The following GCAT variants were observed in gnomAD, a reference collection of about 807,000 sequenced individuals.
GCAT encodes the protein 2-amino-3-ketobutyrate coenzyme A ligase, mitochondrial.
Under a neutral mutation model 39.7 loss-of-function variants are expected in GCAT, and 26 were observed. That is an observed-to-expected ratio of 0.65 (90% CI 0.48 to 0.91). The LOEUF is 0.91. Among genes scored for constraint, GCAT ranks in the 40% least tolerant of loss-of-function variants. GCAT has a pLI of 0.00. For missense variants in GCAT, 550 were observed against 576.2 expected (o/e 0.95, Z 0.47); for synonymous variants, 218 against 237.2 (o/e 0.92, Z 0.74).
At chr22:37,811,480 C>CAAAAAAAAAAAA (rs59876225) in intron 2 of GCAT, among the ~76,000 whole-genome samples, 1 of 46,868 alleles carries the variant, frequency 2.1e-5, no homozygotes, top group Non-Finnish European at 3.8e-5. Flanking sequence ...GACTCTGTCT[C>CAAAAAAAAAAAA]AAAAAAAAAA....
chr22:37,810,572 G>GGT (rs1347068060), intron 2 of GCAT, among the ~76,000 whole-genome samples: 2 of 146,118 alleles, frequency 1.4e-5, no homozygotes, highest in African/African-American at 5.1e-5. Context: ...GCTGGAGTGC[G>GGT]GTGGCATGAT....
At chr22:37,811,480 C>CAAAAAAA (rs59876225) in intron 2 of GCAT, among the ~76,000 whole-genome samples, 1 of 46,866 alleles carries the variant, frequency 2.1e-5, no homozygotes, top group Admixed American at 2.9e-4. Flanking sequence ...GACTCTGTCT[C>CAAAAAAA]AAAAAAAAAA....
rs748603348 is a variant in GCAT at position 37,810,136 on chromosome 22, C to G, written c.306C>G (p.Val102=). Residue 102 remains valine, a synonymous_variant, in exon 2 of 9, where the codon GTC becomes GTG. Transcript: ENST00000248924. Reference sequence around the variant, plus strand: ...AGTTTGGAGCTGGCCTCAGCTCTGTCCGCTTTATCTGTGGAACCCAGGTAC... The same window carrying G: ...AGTTTGGAGCTGGCCTCAGCTCTGTGCGCTTTATCTGTGGAACCCAGGTAC... The part of the protein sequence containing the change: ...LEEFGAGLSS[V]RFICGTQSIH... 1.9e-6 allele frequency: 3 copies of G among 1,613,350 alleles called. No homozygotes were observed. The highest frequency in any genetic ancestry group is 2.5e-6 in the Non-Finnish European group (3 of 1,179,254).
rs1310092845 is a variant in GCAT, at chr22:37,815,526, G to A, written c.814+26G>A. ...GTACCTGCAAGGTTGTGTCCCTGGG[G>A]TCCCCTTGTCCTTTTGAAGGGCCCT... is the stretch of plus-strand genomic sequence containing the variant. On this transcript the variant is annotated intron_variant, in intron 6 of 8. Coordinates refer to ENST00000248924, the MANE Select transcript of GCAT (RefSeq NM_014291.4). The A allele has an allele frequency of 6.3e-6, 10 of 1,579,582 alleles. No individual in the cohort carries two copies. The East Asian group carries it at 1.1e-4, about 18-fold the overall frequency.
chr22:37,813,779 T>G, intron 4 of GCAT, among the ~76,000 whole-genome samples, 170 bp downstream of exon 4: 1 of 151,838 alleles, frequency 6.6e-6, no homozygotes, highest in Non-Finnish European at 1.5e-5. Context: ...TTTTTTTTTT[T>G]CCCTGAGACA....
intron 8 of GCAT, 87 bp downstream of exon 8, chr22:37,816,408 AG>A (rs1379767032): frequency 6.4e-7 from 1 of 1,551,854 alleles, no homozygotes; most frequent in Non-Finnish European, 8.7e-7. Context: ...CCCCGTACCC[AG>A]CCACGCTGCG....
At position 37,810,254 on chromosome 22, in the gene GCAT, C is replaced by T. The variant is rs1921430907; in HGVS notation, c.327+97C>T. On this transcript the variant is annotated intron_variant, in intron 2 of 8. Coordinates refer to ENST00000248924, the MANE Select transcript of GCAT (RefSeq NM_014291.4). ...TTTAGCCAGCTCAGCTCAGCCACAG[C>T]CCTGGGCCTACTGTTGGCCTCAGAG... The T allele has an allele frequency of 4.6e-6, 4 of 874,626 alleles. No individual in the cohort carries two copies. The East Asian group carries it at 9.7e-5, about 21-fold the overall frequency. The allele number at this position is 874,626 out of a possible 1,614,324, so 54.2% of individuals were successfully genotyped here.
chr22:37,808,473 A>G (rs763224221), intron 1 of GCAT, among the ~76,000 whole-genome samples: 5 of 152,164 alleles, frequency 3.3e-5, no homozygotes, highest in Non-Finnish European at 7.4e-5. Context: ...CCACTTTACA[A>G]ACGAAGAGGC....
intron 1 of GCAT, among the ~76,000 whole-genome samples, chr22:37,808,633 A>G (rs5995500): frequency 0.27 from 40,787 of 152,044 alleles, 5,969 homozygotes; most frequent in South Asian, 0.37. Context: ...CAGGGCTGCC[A>G]CAGAAATCAC....
In GCAT at chr22:37,816,335, G is replaced by A. The variant is rs2145936388; in HGVS notation, c.1108+14G>A. On this transcript the variant is annotated intron_variant, in intron 8 of 8. Transcript: ENST00000248924. ...TGCTGAAGAGAGGTAAGGGTGCTGA[G>A]ACAAGGGAACTGGTGGTGGGTCCTG... The A allele has an allele frequency of 3.7e-6, 6 of 1,608,514 alleles. No homozygotes were observed. Among genetic ancestry groups the A allele is most frequent in the Non-Finnish European group, 5.1e-6 (6 of 1,179,722 alleles).
intron 1 of GCAT, among the ~76,000 whole-genome samples, chr22:37,808,774 C>T (rs1004985797): frequency 6.6e-6 from 1 of 152,114 alleles, no homozygotes; most frequent in Non-Finnish European, 1.5e-5. Context: ...GCAACCTCTG[C>T]CTCCCGGGTT....
In GCAT at chr22:37,813,526, G is replaced by A. The variant is rs775013323; in HGVS notation, c.493G>A (p.Gly165Ser). 9.9e-6 allele frequency: 16 copies of A among 1,613,048 alleles called. No homozygotes were observed. Among genetic ancestry groups the A allele is most frequent in the African/African-American group, 9.3e-5 (7 of 74,922 alleles). ...GCTGAACCATGCCTCCATCATCGAC[G>A]GCATCCGGCTGTGCAAGGCCCACAA... ...DELNHASIID[G>S]IRLCKAHKYR... Residue 165 changes from glycine (G) to serine (S), a missense_variant, in exon 4 of 9, where the codon GGC becomes AGC. Physicochemically the swap from Gly to Ser is moderately conservative, Grantham distance 56. Transcript: ENST00000248924.
intron 7 of GCAT, 52 bp downstream of exon 7, chr22:37,815,886 A>G: frequency 6.3e-7 from 1 of 1,598,462 alleles, no homozygotes; most frequent in Non-Finnish European, 8.5e-7. Flanking sequence ...GGTGAGAGCC[A>G]GCCTCATGTG....
At chr22:37,813,654 G>A (rs1356178975) in intron 4 of GCAT, 45 bp downstream of exon 4, 1 of 1,543,002 alleles carries the variant, frequency 6.5e-7, no homozygotes, top group East Asian at 2.3e-5. Context: ...CCTGGGGAAG[G>A]AAGTGAGGCT....
At chr22:37,812,378 CT>C (rs1921697982) in intron 2 of GCAT, among the ~76,000 whole-genome samples, 2 of 152,202 alleles carry the variant, frequency 1.3e-5, no homozygotes, top group South Asian at 4.2e-4. Context: ...CTCCTGACTA[CT>C]TGTGATTATC....
intron 1 of GCAT, 28 bp from the exon 2 acceptor site, chr22:37,809,999 T>C (rs751098004): frequency 1.2e-6 from 2 of 1,613,278 alleles, no homozygotes; most frequent in South Asian, 1.1e-5. Context: ...CCTGAGCTGC[T>C]GTATCCATCT....
chr22:37,814,048 T>G (rs1223001505), intron 4 of GCAT, among the ~76,000 whole-genome samples: 2 of 152,058 alleles, frequency 1.3e-5, no homozygotes, highest in Admixed American at 1.3e-4. Flanking sequence ...ATTATAGACG[T>G]GAGCCACTGT....
rs1249458680 is a variant in GCAT at position 37,813,551 on chromosome 22, A to G, written c.518A>G (p.Lys173Arg). The G allele has an allele frequency of 8.7e-6, 14 of 1,613,542 alleles. No homozygotes were observed. The highest frequency in any genetic ancestry group is 2.2e-5 in the East Asian group (1 of 44,886). Residue 173 changes from lysine to arginine, a missense_variant, in exon 4 of 9, where the codon AAG (lysine) becomes AGG (arginine). Physicochemically the swap from Lys to Arg is conservative, Grantham distance 26. This residue lies in a region of GCAT where 378 missense variants were observed against 390.4 expected (regional missense o/e 0.97). Transcript: ENST00000248924. Reference protein sequence around the residue: ...IDGIRLCKAHKYRYRHLDMAD... With the variant: ...IDGIRLCKAHRYRYRHLDMAD... ...GGCATCCGGCTGTGCAAGGCCCACAAGTACCGCTATCGCCACCTGGACATG... is the reference window on the plus strand; with the variant it reads ...GGCATCCGGCTGTGCAAGGCCCACAGGTACCGCTATCGCCACCTGGACATG...
chr22:37,807,954 G>A lies in GCAT; in HGVS notation c.-14G>A, dbSNP rs561752649. The A allele has an allele frequency of 3.3e-5, 49 of 1,494,826 alleles. No homozygotes were observed. In the South Asian group the frequency reaches 5.3e-4, roughly 16 times the overall value. 92.6% of individuals were successfully genotyped at this position (1,494,826 alleles called of 1,614,324 possible). On this transcript the variant is annotated 5_prime_UTR_variant, in exon 1 of 9. Transcript: ENST00000248924. ...CTCCCAGGCAGGCAGGCGCGCTCGGGCGAGGTAGGAGCGATGTGGCCTGGG... is the reference window on the plus strand; with the variant it reads ...CTCCCAGGCAGGCAGGCGCGCTCGGACGAGGTAGGAGCGATGTGGCCTGGG...
Sources: gnomAD v4.1 joint callset for allele counts (sites outside exome capture counted in the v4.1 genomes callset) on GRCh38, gnomAD v4.1.1 for gene constraint, gnomAD v4.1.1 regional missense constraint, MANE v1.5 for transcripts, NCBI Gene and HGNC (gene_info 2026-07-23, HGNC 2026-07-21) for gene names.